CRYBA2: variants seen among roughly 807,000 people sequenced by gnomAD.
CRYBA2 encodes the protein beta-crystallin A2.
In CRYBA2, 17 loss-of-function variants were observed where a neutral mutation model predicts 18.5. The ratio of observed to expected loss-of-function variants is 0.92; its 90% CI spans 0.63 to 1.38. CRYBA2 has a LOEUF of 1.38. Among genes scored for constraint, CRYBA2 ranks in the 40% most tolerant of loss-of-function variants. The pLI is 0.00. For missense variants in CRYBA2, 271 were observed against 265.0 expected (o/e 1.02, Z -0.16); for synonymous variants, 101 against 106.2 (o/e 0.95, Z 0.30).
At chr2:218,990,438 G>GCCCCCCCCCCCCCCCCCCAGTCCCCCC in intron 3 of CRYBA2, 39 bp from the exon 4 acceptor site, 1 of 1,606,078 alleles carries the variant, frequency 6.2e-7, no homozygotes, top group Non-Finnish European at 8.5e-7. Context: ...AGTAAGCTCT[G>GCCCCCCCCCCCCCCCCCCAGTCCCCCC]CCCCCACCCC....
rs181530831 is a variant in CRYBA2 at position 218,991,343 on chromosome 2, G to C, written c.304-349C>G. The C allele has an allele frequency of 5.5e-4, 118 of 214,106 alleles. 1 individual carries two copies. The highest frequency in any genetic ancestry group is 2.5e-3 in the African/African-American group (111 of 43,852). The allele number at this position is 214,106 out of a possible 1,614,324, so 13.3% of individuals were successfully genotyped here. A position where few individuals can be genotyped will look rare whatever the true frequency, so the allele number is the denominator to read the frequency against. ...TAGAGAAATCTGTCCCATTCACCAA[G>C]ACAGTTCCCTGAGGTCCTCATTGAC... On this transcript the variant is annotated intron_variant, in intron 2 of 3. Transcript: ENST00000295728.
intron 2 of CRYBA2, chr2:218,991,827 C>T (rs901233002): frequency 2.9e-5 from 13 of 449,150 alleles, no homozygotes; most frequent in African/African-American, 2.0e-4. Flanking sequence ...CTCACTCACA[C>T]GTGTGGACGA....
chr2:218,993,314 C>T lies in CRYBA2; in HGVS notation c.-138G>A. ...CCCGGCCTAGCTCTGGACCCGGCTGCCAGGGGCTCGCAGTCTTCCCGCGCT... is the reference window on the plus strand; with the variant it reads ...CCCGGCCTAGCTCTGGACCCGGCTGTCAGGGGCTCGCAGTCTTCCCGCGCT... On this transcript the variant is annotated 5_prime_UTR_variant, in exon 1 of 4. It introduces an in-frame stop codon into an upstream open reading frame of the 5' UTR. Coordinates refer to ENST00000295728, the MANE Select transcript of CRYBA2 (RefSeq NM_057093.2). This position sits in a 1 kb window ranked among gnomAD's most constrained non-coding sequence, Gnocchi z 7.7. 1 of 817,578 alleles carries T rather than the reference C, an allele frequency of 1.2e-6. No homozygotes were observed. The highest frequency in any genetic ancestry group is 1.8e-6 in the Non-Finnish European group (1 of 541,470). The allele number at this position is 817,578 out of a possible 1,614,324, so 50.6% of individuals were successfully genotyped here. A position where few individuals can be genotyped will look rare whatever the true frequency, so the allele number is the denominator to read the frequency against.
chr2:218,990,496 C>A, intron 3 of CRYBA2, 97 bp from the exon 4 acceptor site: 2 of 1,456,062 alleles, frequency 1.4e-6, no homozygotes, highest in Non-Finnish European at 1.9e-6. Flanking sequence ...CTCCCAACCC[C>A]CAGTTCCAAA....
At chr2:218,990,547 C>T (rs997950654) in intron 3 of CRYBA2, 148 bp from the exon 4 acceptor site, 1 of 1,028,702 alleles carries the variant, frequency 9.7e-7, no homozygotes, top group Non-Finnish European at 1.4e-6. Flanking sequence ...TCTCCCTCCC[C>T]TGCCCACTGC....
intron 2 of CRYBA2, chr2:218,991,748 T>C: frequency 7.9e-6 from 2 of 252,286 alleles, no homozygotes; most frequent in Non-Finnish European, 1.5e-5. Flanking sequence ...TTGAGCCCCA[T>C]TTCCACACCT....
chr2:218,990,218 G>C lies in CRYBA2; in HGVS notation c.*34C>G, dbSNP rs1451714402. 1 of 1,612,234 alleles carries C rather than the reference G, an allele frequency of 6.2e-7. No homozygotes were observed. The highest frequency in any genetic ancestry group is 1.3e-5 in the African/African-American group (1 of 74,882). ...AGGAAGATTCAGGAACCTTTATTGA[G>C]TGTCCTCAGGGAAGGTGTCTGGGGC... is the stretch of plus-strand genomic sequence containing the variant. On this transcript the variant is annotated 3_prime_UTR_variant, in exon 4 of 4. Coordinates refer to ENST00000295728, the MANE Select transcript of CRYBA2 (RefSeq NM_057093.2).
In CRYBA2 at chr2:218,990,341, G is replaced by A. The variant is rs373545183; in HGVS notation, c.505C>T (p.Arg169Trp). The change falls in exon 4 of 4, where the codon CGG (arginine) becomes TGG (tryptophan). Residue 169 changes from arginine to tryptophan, a missense_variant. Transcript: ENST00000295728. The part of the protein sequence containing the change: ...RGYQYVLERD[R>W]HSGEFCTYGE... ...TAAGTACAGAACTCTCCGCTGTGCC[G>A]GTCCCGCTCCAACACATACTGGTAG... The A allele has an allele frequency of 5.2e-5, 84 of 1,614,084 alleles. 1 individual carries two copies. In the East Asian group the frequency reaches 7.4e-4, roughly 14 times the overall value.
In CRYBA2 at chr2:218,992,201, G is replaced by GA; in HGVS notation, c.203dup (p.Ile69HisfsTer37). 5 of 1,613,664 alleles carry GA rather than the reference G, an allele frequency of 3.1e-6. 1 individual carries two copies. In the Middle Eastern group the frequency reaches 4.9e-4, roughly 160 times the overall value. On this transcript the variant is annotated frameshift_variant, in exon 2 of 4. Coordinates refer to ENST00000295728, the MANE Select transcript of CRYBA2 (RefSeq NM_057093.2). LOFTEE classifies it high-confidence loss of function. ...GAGGATAGTCTCCCTTCTCCAGAAT[G>GA]AACTGCTGTCCCTGGAAGTCGGGGT...
At chr2:218,991,220 G>T in intron 2 of CRYBA2, 1 of 539,002 alleles carries the variant, frequency 1.9e-6, no homozygotes, top group Non-Finnish European at 3.2e-6. Context: ...AGATAAGGAG[G>T]TGATTGGGGG....
At chr2:218,991,715 C>G (rs201615211) in intron 2 of CRYBA2, 1 of 210,564 alleles carries the variant, frequency 4.7e-6, no homozygotes, top group Non-Finnish European at 9.4e-6. Flanking sequence ...TTTCAGTGAC[C>G]CTGGGCAAGC....
chr2:218,993,297 A>G lies in CRYBA2; in HGVS notation c.-121T>C, dbSNP rs1411017775. 9 of 1,003,668 alleles carry G rather than the reference A, an allele frequency of 9.0e-6. No individual in the cohort carries two copies. Among genetic ancestry groups the G allele is most frequent in the Non-Finnish European group, 1.1e-5 (8 of 704,696 alleles). The allele number at this position is 1,003,668 out of a possible 1,614,324, so 62.2% of individuals were successfully genotyped here. A position where few individuals can be genotyped will look rare whatever the true frequency, so the allele number is the denominator to read the frequency against. On this transcript the variant is annotated 5_prime_UTR_variant, in exon 1 of 4. Coordinates refer to ENST00000295728, the MANE Select transcript of CRYBA2 (RefSeq NM_057093.2). The surrounding 1 kb of genome is among the most constrained non-coding windows in gnomAD (Gnocchi z 7.7). ...AGAACCCGGGGGCTGGACCCGGCCTAGCTCTGGACCCGGCTGCCAGGGGCT... is the reference window on the plus strand; with the variant it reads ...AGAACCCGGGGGCTGGACCCGGCCTGGCTCTGGACCCGGCTGCCAGGGGCT...
At chr2:218,991,070 C>T in intron 2 of CRYBA2, 76 bp from the exon 3 acceptor site, 1 of 1,570,856 alleles carries the variant, frequency 6.4e-7, no homozygotes. Flanking sequence ...GCCTCACTTC[C>T]CCCACCCACT....
chr2:218,990,740 G>T, intron 3 of CRYBA2, 112 bp downstream of exon 3: 2 of 1,366,756 alleles, frequency 1.5e-6, no homozygotes, highest in Non-Finnish European at 2.0e-6. Context: ...TTGCCTCCAA[G>T]TCCCCAATAT....
Position 218,991,086 on chromosome 2 carries a change from T to A in CRYBA2, c.304-92A>T, listed in dbSNP as rs57120800. On this transcript the variant is annotated intron_variant, in intron 2 of 3. Transcript: ENST00000295728. ...CCTCACTTCCCCCACCCACTGCACC[T>A]CACAAGCTGTGAAGCTGTCTAGGAC... is the stretch of plus-strand genomic sequence containing the variant. The A allele has an allele frequency of 1.2e-3, 1,811 of 1,550,634 alleles. 19 individuals are homozygous for A. The African/African-American group carries it at 0.021, about 18-fold the overall frequency.
chr2:218,990,207 A>G lies in CRYBA2; in HGVS notation c.*45T>C, dbSNP rs1219544892. The G allele has an allele frequency of 1.9e-6, 3 of 1,606,606 alleles. No individual in the cohort carries two copies. The South Asian group carries it at 3.3e-5, about 18-fold the overall frequency. On this transcript the variant is annotated 3_prime_UTR_variant, in exon 4 of 4. Coordinates refer to ENST00000295728, the MANE Select transcript of CRYBA2 (RefSeq NM_057093.2). ...GCAAGAGGGGCAGGAAGATTCAGGA[A>G]CCTTTATTGAGTGTCCTCAGGGAAG...
Position 218,990,405 on chromosome 2 carries a change from C to T in CRYBA2, c.447-6G>A. 6.2e-7 allele frequency: 1 copy of T among 1,613,954 alleles called. No homozygotes were observed. The highest frequency in any genetic ancestry group is 8.5e-7 in the Non-Finnish European group (1 of 1,179,986). On this transcript the variant is annotated splice_region_variant and splice_polypyrimidine_tract_variant and intron_variant, in intron 3 of 3. Coordinates refer to ENST00000295728, the MANE Select transcript of CRYBA2 (RefSeq NM_057093.2). ...GGTACTGGTAGGCCACCCACCTAGG[C>T]CAGTGAGGGTACAGAGGCAGGGAGT...
chr2:218,992,764 C>A (rs1945513005), intron 1 of CRYBA2, among the ~76,000 whole-genome samples: 1 of 152,282 alleles, frequency 6.6e-6, no homozygotes, highest in South Asian at 2.1e-4. Flanking sequence ...CACTAGAAAC[C>A]CCTTCACGGT....
chr2:218,990,505 A>G, intron 3 of CRYBA2, 106 bp from the exon 4 acceptor site: 1 of 1,370,418 alleles, frequency 7.3e-7, no homozygotes, highest in South Asian at 1.3e-5. Flanking sequence ...CCCAGTTCCA[A>G]AATCATTGCT....
Sources: gnomAD v4.1 joint callset for allele counts (sites outside exome capture counted in the v4.1 genomes callset) on GRCh38, gnomAD v4.1.1 for gene constraint, Gnocchi (gnomAD v3.1) non-coding constraint, MANE v1.5 for transcripts, NCBI Gene and HGNC (gene_info 2026-07-23, HGNC 2026-07-21) for gene names.